The following SLC8A1 variants were observed in gnomAD, a reference collection of about 807,000 sequenced individuals.
SLC8A1 encodes the protein sodium/calcium exchanger 1.
In SLC8A1, 18 loss-of-function variants were observed where a neutral mutation model predicts 68.3. The ratio of observed to expected loss-of-function variants is 0.26; its 90% CI spans 0.18 to 0.39. The LOEUF is 0.39. Ranked by LOEUF, SLC8A1 falls within the 10% of genes least tolerant of loss-of-function variation. The pLI is 1.00. For missense variants in SLC8A1, 985 were observed against 1,156.7 expected (o/e 0.85, Z 2.15); for synonymous variants, 475 against 415.5 (o/e 1.14, Z -1.74).
intron 7 of SLC8A1, among the ~76,000 whole-genome samples, chr2:40,124,359 A>G (rs2037593460): frequency 6.6e-6 from 1 of 152,152 alleles, no homozygotes; most frequent in Admixed American, 6.5e-5. Context: ...CACTTTTTTG[A>G]AGGGGCTGCT....
chr2:40,502,345 C>A (rs967221049), intron 1 of SLC8A1, among the ~76,000 whole-genome samples: 1 of 151,976 alleles, frequency 6.6e-6, no homozygotes, highest in African/African-American at 2.4e-5. Flanking sequence ...TGGTTTTCAA[C>A]CTCTGCAATT....
chr2:40,410,791 A>G (rs1691877932), intron 2 of SLC8A1, among the ~76,000 whole-genome samples: 1 of 152,072 alleles, frequency 6.6e-6, no homozygotes, highest in South Asian at 2.1e-4. Context: ...TTTTCTTATT[A>G]AAAAAGCATT....
intron 2 of SLC8A1, among the ~76,000 whole-genome samples, chr2:40,343,635 A>T (rs189426120): frequency 9.2e-5 from 14 of 152,312 alleles, no homozygotes; most frequent in South Asian, 2.1e-4. Flanking sequence ...GTAATTATGC[A>T]AATGTGGCTA....
chr2:40,362,296 A>G (rs1435950145), intron 2 of SLC8A1, among the ~76,000 whole-genome samples: 3 of 152,090 alleles, frequency 2.0e-5, no homozygotes, highest in Non-Finnish European at 4.4e-5. Flanking sequence ...AAGAAAAAAA[A>G]ACTTAGATAG....
At chr2:40,369,627 C>G (rs778577566) in intron 2 of SLC8A1, among the ~76,000 whole-genome samples, 1 of 152,106 alleles carries the variant, frequency 6.6e-6, no homozygotes, top group African/African-American at 2.4e-5. Flanking sequence ...TCCTGTCCAT[C>G]TATGTCTATC....
At chr2:40,179,359 A>G (rs2049036326) in intron 2 of SLC8A1, among the ~76,000 whole-genome samples, 1 of 152,256 alleles carries the variant, frequency 6.6e-6, no homozygotes, top group Admixed American at 6.5e-5. Flanking sequence ...TCCAACCTTT[A>G]ACAGTTCTTG....
chr2:40,264,011 C>A (rs982897996), intron 2 of SLC8A1, among the ~76,000 whole-genome samples: 1 of 152,074 alleles, frequency 6.6e-6, no homozygotes, highest in Non-Finnish European at 1.5e-5. Context: ...AAGAAAAAAA[C>A]AAACAACCCC....
intron 4 of SLC8A1, among the ~76,000 whole-genome samples, chr2:40,167,045 G>A (rs960459986): frequency 2.0e-5 from 3 of 152,218 alleles, no homozygotes; most frequent in African/African-American, 7.2e-5. Flanking sequence ...CAAAGCTGAT[G>A]TGGTAGCATT....
intron 2 of SLC8A1, among the ~76,000 whole-genome samples, chr2:40,388,166 T>C (rs1684177626): frequency 6.6e-6 from 1 of 152,076 alleles, no homozygotes; most frequent in Admixed American, 6.5e-5. Flanking sequence ...TTAGAAATCA[T>C]CAAAACCCGC....
rs141813627 is a variant in SLC8A1 at position 40,476,087 on chromosome 2, G to A, written c.-25+36262C>T. Among the ~76,000 whole-genome samples, 199 of 152,210 alleles carry A rather than the reference G, an allele frequency of 1.3e-3. 2 individuals are homozygous for A. Among genetic ancestry groups the A allele is most frequent in the African/African-American group, 4.6e-3 (193 of 41,528 alleles). On this transcript the variant is annotated intron_variant, in intron 1 of 7. Transcript: ENST00000402441. The stretch of plus-strand genomic sequence containing the variant: ...AGCATCATTTTTCAATTCGATTAAA[G>A]CATTTTGAGGTTAGTTGTGGAACTT...
chr2:40,145,422 C>A (rs1050018528), intron 6 of SLC8A1, among the ~76,000 whole-genome samples: 2 of 152,164 alleles, frequency 1.3e-5, no homozygotes, highest in African/African-American at 4.8e-5. Flanking sequence ...TGGCCTGAAT[C>A]ATCACAAGTC....
upstream of SLC8A1, among the ~76,000 whole-genome samples, chr2:40,455,001 C>T (rs908814490): frequency 6.6e-6 from 1 of 152,190 alleles, no homozygotes; most frequent in African/African-American, 2.4e-5. Flanking sequence ...TATTGATTGC[C>T]ATTCTTTCCT....
chr2:40,409,264 G>T (rs1242123059), intron 2 of SLC8A1, among the ~76,000 whole-genome samples: 2 of 152,016 alleles, frequency 1.3e-5, no homozygotes, highest in Non-Finnish European at 2.9e-5. Context: ...TGTTACTAGG[G>T]TATATTCTAA....
intron 2 of SLC8A1, among the ~76,000 whole-genome samples, chr2:40,335,616 A>T (rs1485402188): frequency 6.6e-6 from 1 of 152,258 alleles, no homozygotes; most frequent in Non-Finnish European, 1.5e-5. Flanking sequence ...AAAAATATCT[A>T]TGCTACAATA....
chr2:40,422,370 A>G (rs919856678), intron 2 of SLC8A1, among the ~76,000 whole-genome samples: 1 of 152,182 alleles, frequency 6.6e-6, no homozygotes, highest in Non-Finnish European at 1.5e-5. Flanking sequence ...AATGTTGCCT[A>G]TAGGCAATTT....
intron 2 of SLC8A1, chr2:40,208,440 T>C (rs2055914257): frequency 6.6e-6 from 1 of 152,110 alleles, no homozygotes; most frequent in Non-Finnish European, 1.5e-5. Context: ...TCCCTGAATA[T>C]TAGTCTTTCA....
chr2:40,364,399 T>C (rs1187718531), intron 2 of SLC8A1, among the ~76,000 whole-genome samples: 1 of 151,642 alleles, frequency 6.6e-6, no homozygotes, highest in Non-Finnish European at 1.5e-5. Context: ...TACACTTTAT[T>C]GATTCATTAA....
chr2:40,392,064 A>T (rs1685438298), intron 2 of SLC8A1, among the ~76,000 whole-genome samples: 1 of 71,216 alleles, frequency 1.4e-5, no homozygotes. Flanking sequence ...ATAAGAAGGA[A>T]GGAGAAGGAA....
chr2:40,308,670 A>C (rs80033967), intron 2 of SLC8A1, among the ~76,000 whole-genome samples: 2,525 of 152,236 alleles, frequency 0.017, 81 homozygotes, highest in African/African-American at 0.058. Flanking sequence ...CAAAATAAAA[A>C]CAAACCTCTA....
Sources: gnomAD v4.1 joint callset for allele counts (sites outside exome capture counted in the v4.1 genomes callset) on GRCh38, gnomAD v4.1.1 for gene constraint, MANE v1.5 for transcripts, NCBI Gene and HGNC (gene_info 2026-07-23, HGNC 2026-07-21) for gene names.